Variants in NYAP2 observed in about 807,000 individuals in gnomAD.
NYAP2 encodes neuronal tyrosine-phosphorylated phosphoinositide-3-kinase adapter 2.
A neutral mutation model predicts 50.4 loss-of-function variants in NYAP2; 23 were observed. The ratio of observed to expected loss-of-function variants is 0.46; its 90% CI spans 0.33 to 0.65. NYAP2 has a LOEUF of 0.65. Ranked by LOEUF, NYAP2 falls within the 30% of genes least tolerant of loss-of-function variation. The pLI, the probability that NYAP2 is intolerant of heterozygous loss-of-function variation, is 0.02. For synonymous variants in NYAP2, 394 were observed against 365.2 expected (o/e 1.08, Z -0.90); for missense variants, 885 against 861.0 (o/e 1.03, Z -0.35).
intron 3 of NYAP2, among the ~76,000 whole-genome samples, chr2:225,427,703 A>T (rs1335206033): frequency 6.6e-6 from 1 of 152,132 alleles, no homozygotes; most frequent in Non-Finnish European, 1.5e-5. Context: ...AATCTACATA[A>T]TTCTATTCTG....
chr2:225,416,072 C>G (rs939083657), intron 3 of NYAP2, among the ~76,000 whole-genome samples: 1 of 152,070 alleles, frequency 6.6e-6, no homozygotes, highest in African/African-American at 2.4e-5. Context: ...TAAACAGCAG[C>G]CAGTATCTTA....
chr2:225,702,652 C>G, the NYAP2 span: 294 of 151,786 alleles, frequency 1.9e-3, 2 homozygotes, highest in African/African-American at 6.6e-3. Flanking sequence ...AAGGGTAACA[C>G]ATTTTGCCAT....
At chr2:225,460,131 C>A (rs892488347) in intron 3 of NYAP2, among the ~76,000 whole-genome samples, 2 of 151,966 alleles carry the variant, frequency 1.3e-5, no homozygotes, top group African/African-American at 4.8e-5. Context: ...ATTAGTTAAC[C>A]AATCAAATGA....
chr2:225,455,677 T>C (rs1689728446), intron 3 of NYAP2, among the ~76,000 whole-genome samples: 1 of 152,208 alleles, frequency 6.6e-6, no homozygotes, highest in Non-Finnish European at 1.5e-5. Flanking sequence ...ATGGATGTGT[T>C]ATGAAGAATA....
intron 3 of NYAP2, among the ~76,000 whole-genome samples, chr2:225,450,056 T>C (rs1471225224): frequency 1.3e-5 from 2 of 152,128 alleles, no homozygotes; most frequent in African/African-American, 4.8e-5. Flanking sequence ...AGAAAGATAA[T>C]ATGTGGTCTT....
At chr2:225,592,275 A>G (rs1201027468) in intron 5 of NYAP2, among the ~76,000 whole-genome samples, 1 of 152,148 alleles carries the variant, frequency 6.6e-6, no homozygotes, top group African/African-American at 2.4e-5. Context: ...CATAATAACT[A>G]TGCAGTAGTT....
At chr2:225,507,033 A>G (rs1690719704) in intron 3 of NYAP2, among the ~76,000 whole-genome samples, 1 of 152,230 alleles carries the variant, frequency 6.6e-6, no homozygotes, top group Non-Finnish European at 1.5e-5. Context: ...ATATCACTAC[A>G]GAAAAGAATT....
chr2:225,564,219 C>T (rs1413627384), intron 4 of NYAP2, among the ~76,000 whole-genome samples: 1 of 151,918 alleles, frequency 6.6e-6, no homozygotes. Context: ...CTTCAGAGCC[C>T]TGTCTCTGAG....
Position 225,511,367 on chromosome 2 carries a change from C to CAG in NYAP2, c.222-2003_222-2002insGA, listed in dbSNP as rs1299528301. Among the ~76,000 whole-genome samples the CAG allele has an allele frequency of 2.1e-3, 284 of 136,972 alleles. 1 individual carries two copies. The highest frequency in any genetic ancestry group is 0.018 in the South Asian group (77 of 4,204). 89.9% of individuals were successfully genotyped at this position (136,972 alleles called of 152,430 possible). A position where few individuals can be genotyped will look rare whatever the true frequency, so the allele number is the denominator to read the frequency against. On this transcript the variant is annotated intron_variant, in intron 3 of 6. Coordinates refer to ENST00000636099, the Ensembl canonical transcript of NYAP2. ...ACACACACACACACACACACACACACACACACAGAGAGAGAGAGAGAGAGA... is the reference window on the plus strand; with the variant it reads ...ACACACACACACACACACACACACACAGACACACAGAGAGAGAGAGAGAGAGA...
At chr2:225,427,711 C>A (rs1695307306) in intron 3 of NYAP2, among the ~76,000 whole-genome samples, 1 of 152,168 alleles carries the variant, frequency 6.6e-6, no homozygotes, top group Admixed American at 6.5e-5. Context: ...TAATTCTATT[C>A]TGAGTTTAAT....
chr2:225,529,875 T>C (rs1559205925), intron 4 of NYAP2, among the ~76,000 whole-genome samples: 1 of 151,990 alleles, frequency 6.6e-6, no homozygotes, highest in South Asian at 2.1e-4. Flanking sequence ...ACCTGGCTAA[T>C]TTTTTGTATT....
chr2:225,422,751 C>T (rs1019623263), intron 3 of NYAP2, among the ~76,000 whole-genome samples: 7 of 152,070 alleles, frequency 4.6e-5, no homozygotes, highest in African/African-American at 1.7e-4. Context: ...TGGAAACTCT[C>T]AGGCACGAGA....
At chr2:225,410,342 T>A (rs569626084) in intron 3 of NYAP2, among the ~76,000 whole-genome samples, 3 of 152,110 alleles carry the variant, frequency 2.0e-5, no homozygotes, top group Non-Finnish European at 2.9e-5. Context: ...AATTTGTTGT[T>A]GAGGACTATG....
chr2:225,632,055 T>A (rs1053068715), intron 6 of NYAP2, among the ~76,000 whole-genome samples: 2 of 152,146 alleles, frequency 1.3e-5, no homozygotes, highest in African/African-American at 2.4e-5. Context: ...TGACCTCAGG[T>A]GATCCACCTG....
intron 4 of NYAP2, among the ~76,000 whole-genome samples, chr2:225,548,746 A>G (rs1186693473): frequency 6.6e-6 from 1 of 152,250 alleles, no homozygotes; most frequent in Admixed American, 6.5e-5. Context: ...AATGCTTCTG[A>G]AAACATTTAT....
the NYAP2 span, among the ~76,000 whole-genome samples, chr2:225,664,420 A>G: frequency 6.6e-6 from 1 of 152,166 alleles, no homozygotes; most frequent in Non-Finnish European, 1.5e-5. Context: ...GTGGAAACGG[A>G]TTAGTATGTC....
chr2:225,452,659 C>A (rs1689671848), intron 3 of NYAP2, among the ~76,000 whole-genome samples: 1 of 152,116 alleles, frequency 6.6e-6, no homozygotes, highest in African/African-American at 2.4e-5. Context: ...ACTAAGCAAC[C>A]CAAGAGTGCC....
intron 4 of NYAP2, among the ~76,000 whole-genome samples, chr2:225,563,204 T>C (rs1156739422): frequency 1.3e-5 from 2 of 152,182 alleles, no homozygotes; most frequent in African/African-American, 2.4e-5. Context: ...CAAATAAACA[T>C]GCACCTAGAG....
Position 225,582,928 on chromosome 2 carries a change from C to A in NYAP2, c.1511C>A (p.Ser504Tyr). The change falls in exon 5 of 7, where the codon TCC (serine) becomes TAC (tyrosine). Residue 504 changes from serine (S) to tyrosine (Y), a missense_variant. By Grantham distance (144) the Ser-to-Tyr change is moderately radical. Transcript: ENST00000636099. The surrounding 1 kb of genome is among the most constrained non-coding windows in gnomAD (Gnocchi z 7.0). The stretch of plus-strand genomic sequence containing the variant: ...GGGGCAGCCCCGGGTGGCTCCCGGT[C>A]CCGGACACCCACGAGCCCGCTGGAG... 1 of 1,612,908 alleles carries A rather than the reference C, an allele frequency of 6.2e-7. No homozygotes were observed. Among genetic ancestry groups the A allele is most frequent in the Non-Finnish European group, 8.5e-7 (1 of 1,179,828 alleles).
Sources: gnomAD v4.1 joint callset for allele counts (sites outside exome capture counted in the v4.1 genomes callset) on GRCh38, gnomAD v4.1.1 for gene constraint, Gnocchi (gnomAD v3.1) non-coding constraint, MANE v1.5 for transcripts, NCBI Gene and HGNC (gene_info 2026-07-23, HGNC 2026-07-21) for gene names.